Variants in SLIT1 observed in about 807,000 individuals in gnomAD.
SLIT1 encodes slit guidance ligand 1.
In SLIT1, 66 loss-of-function variants were observed where a neutral mutation model predicts 186.1. That is an observed-to-expected ratio of 0.35 (90% CI 0.29 to 0.44). The LOEUF (loss-of-function observed/expected upper bound fraction) is 0.44. SLIT1 is among the 20% of genes least tolerant of loss of function. The probability of loss-of-function intolerance (pLI) is 1.00; values close to 1 mark genes in which losing one functional copy is unlikely to be tolerated. For synonymous variants in SLIT1, 761 were observed against 833.8 expected (o/e 0.91, Z 1.50); for missense variants, 1,638 against 2,037.4 (o/e 0.80, Z 3.77).
chr10:97,057,251 G>T lies in SLIT1; in HGVS notation c.1116C>A (p.Leu372=). 1 of 1,614,028 alleles carries T rather than the reference G, an allele frequency of 6.2e-7. No homozygotes were observed. The highest frequency in any genetic ancestry group is 8.5e-7 in the Non-Finnish European group (1 of 1,179,968). ...LVLYGNKITD[L]PRGVFGGLYT... is the part of the protein sequence containing the mutation. The stretch of plus-strand genomic sequence containing the variant: ...ATAGGCCTCCAAACACACCACGGGG[G>T]AGGTCTGTGATCTTGTTTCCATAGA... The change falls in exon 12 of 37, where the codon CTC becomes CTA. Residue 372 remains leucine, a synonymous_variant. Coordinates refer to ENST00000266058, the MANE Select transcript of SLIT1 (RefSeq NM_003061.3).
At chr10:97,139,108 A>G (rs1231159128) in intron 4 of SLIT1, among the ~76,000 whole-genome samples, 1 of 152,176 alleles carries the variant, frequency 6.6e-6, no homozygotes, top group Non-Finnish European at 1.5e-5. Flanking sequence ...AGCAGAGCCC[A>G]GGGTCCCCAC....
chr10:97,046,695 G>T lies in SLIT1; in HGVS notation c.1812C>A (p.Ile604=). The T allele has an allele frequency of 6.2e-7, 1 of 1,611,552 alleles. No individual in the cohort carries two copies. Residue 604 remains isoleucine, a synonymous_variant, in exon 18 of 37, where the codon ATC becomes ATA. Coordinates refer to ENST00000266058, the MANE Select transcript of SLIT1 (RefSeq NM_003061.3). ...LHLTANQLES[I]RSGMFRGLDG... ...CCAGACCCCGGAACATGCCGCTCCGGATGGACTCCAGCTGGTTGGCAGTTA... is the reference window on the plus strand; with the variant it reads ...CCAGACCCCGGAACATGCCGCTCCGTATGGACTCCAGCTGGTTGGCAGTTA...
intron 4 of SLIT1, among the ~76,000 whole-genome samples, chr10:97,109,948 C>T (rs1247632416): frequency 6.6e-6 from 1 of 152,212 alleles, no homozygotes; most frequent in Non-Finnish European, 1.5e-5. Flanking sequence ...TCAGTTTACT[C>T]ATATACCACA....
At position 97,163,591 on chromosome 10, in the gene SLIT1, TCA is replaced by T. The variant is rs1850061807; in HGVS notation, c.270-142_270-141del. The T allele has an allele frequency of 1.5e-5, 11 of 743,504 alleles. No homozygotes were observed. In the South Asian group the frequency reaches 1.7e-4, roughly 12 times the overall value. 46.1% of individuals were successfully genotyped at this position (743,504 alleles called of 1,614,324 possible). On this transcript the variant is annotated intron_variant, in intron 2 of 36. Coordinates refer to ENST00000266058, the MANE Select transcript of SLIT1 (RefSeq NM_003061.3). ...GTAAGACAGGAGCCATGCCCAAGCC[TCA>T]CACAGGCCTATGCCTGGCCTGAGCG... is the stretch of plus-strand genomic sequence containing the variant.
intron 1 of SLIT1, among the ~76,000 whole-genome samples, chr10:97,178,711 C>T (rs11595301): frequency 0.024 from 3,615 of 151,930 alleles, 65 homozygotes; most frequent in Non-Finnish European, 0.031. Flanking sequence ...AAAGTTTCAA[C>T]GTCTCCAAGC....
At position 97,002,798 on chromosome 10, in the gene SLIT1, G is replaced by A. The variant is rs1564651053; in HGVS notation, c.4060C>T (p.Pro1354Ser). 6.2e-7 allele frequency: 1 copy of A among 1,613,950 alleles called. No homozygotes were observed. The highest frequency in any genetic ancestry group is 2.2e-5 in the East Asian group (1 of 44,862). ...CACATGGGCCCTGGGGTGGCATTGG[G>A]CTGGCAGATGCCATGCAGGCAGTAG... ...KLYCLHGICQ[P>S]NATPGPMCHC... The change falls in exon 35 of 37, where the codon CCC (proline) becomes TCC (serine). Residue 1354 changes from proline (P) to serine (S), a missense_variant. Pro to Ser is a moderately conservative substitution (Grantham distance 74). This residue lies in a region of SLIT1 where 173 missense variants were observed against 290.9 expected (regional missense o/e 0.59). Transcript: ENST00000266058.
At chr10:97,041,762 C>G (rs187656509) in intron 20 of SLIT1, among the ~76,000 whole-genome samples, 8 of 152,140 alleles carry the variant, frequency 5.3e-5, no homozygotes, top group Admixed American at 3.9e-4. Flanking sequence ...TGAGCCTCCG[C>G]GCCTGGCCTG....
intron 8 of SLIT1, among the ~76,000 whole-genome samples, chr10:97,061,527 C>G (rs1589378935): frequency 1.3e-5 from 2 of 152,236 alleles, no homozygotes; most frequent in South Asian, 4.1e-4. Flanking sequence ...TGCTCGTTTA[C>G]GAACTTCACA....
intron 23 of SLIT1, among the ~76,000 whole-genome samples, chr10:97,033,436 A>G (rs1213052894): frequency 6.6e-6 from 1 of 152,166 alleles, no homozygotes; most frequent in African/African-American, 2.4e-5. Flanking sequence ...GCATTTAAAT[A>G]TCTTAGAATA....
rs1848748268 is a variant in SLIT1 at position 97,047,841 on chromosome 10, T to C, written c.1490-7A>G. Reference sequence around the variant, plus strand: ...AGCTGGTAATCCTCCGTGCCTGCCATGAGAGGGTGGGGGCAGAGGCTGAGG... The same window carrying C: ...AGCTGGTAATCCTCCGTGCCTGCCACGAGAGGGTGGGGGCAGAGGCTGAGG... On this transcript the variant is annotated splice_polypyrimidine_tract_variant and splice_region_variant and intron_variant, in intron 15 of 36. Coordinates refer to ENST00000266058, the MANE Select transcript of SLIT1 (RefSeq NM_003061.3). 3.7e-6 allele frequency: 6 copies of C among 1,613,724 alleles called. No individual in the cohort carries two copies. The highest frequency in any genetic ancestry group is 5.1e-6 in the Non-Finnish European group (6 of 1,179,744).
At chr10:97,115,036 T>G (rs1006606275) in intron 4 of SLIT1, among the ~76,000 whole-genome samples, 1 of 152,226 alleles carries the variant, frequency 6.6e-6, no homozygotes, top group Non-Finnish European at 1.5e-5. Flanking sequence ...CAGTGCCTGG[T>G]GTCAGAGTAG....
chr10:97,118,875 T>C (rs994319769), intron 4 of SLIT1, among the ~76,000 whole-genome samples: 4 of 152,204 alleles, frequency 2.6e-5, no homozygotes, highest in African/African-American at 9.7e-5. Flanking sequence ...GACTGGGATA[T>C]AGTAAGTGCC....
At chr10:97,031,547 G>A in intron 24 of SLIT1, 59 bp downstream of exon 24, 1 of 1,359,344 alleles carries the variant, frequency 7.4e-7, no homozygotes, top group South Asian at 1.3e-5. Flanking sequence ...CCACCAGGTG[G>A]GTGGCAGGAC....
intron 1 of SLIT1, among the ~76,000 whole-genome samples, chr10:97,168,985 T>C (rs1043642395): frequency 5.3e-5 from 8 of 152,112 alleles, no homozygotes; most frequent in Admixed American, 3.3e-4. Flanking sequence ...ACACCCCACA[T>C]TAGCACACCT....
intron 25 of SLIT1, among the ~76,000 whole-genome samples, chr10:97,030,339 G>A (rs577807834): frequency 2.0e-5 from 3 of 152,300 alleles, no homozygotes; most frequent in South Asian, 2.1e-4. Flanking sequence ...CTAGTGGAGC[G>A]CTTAAGAGCA....
chr10:97,015,927 GT>G (rs1848451195), intron 28 of SLIT1, among the ~76,000 whole-genome samples: 1 of 152,160 alleles, frequency 6.6e-6, no homozygotes, highest in African/African-American at 2.4e-5. Context: ...AGGGTAAGGA[GT>G]AAAATGGAAA....
intron 11 of SLIT1, chr10:97,057,827 A>T (rs1407922686): frequency 1.8e-5 from 10 of 562,668 alleles, no homozygotes; most frequent in Non-Finnish European, 3.2e-6. Flanking sequence ...TTAAAAAAAC[A>T]AAAGTTCAAA....
intron 4 of SLIT1, among the ~76,000 whole-genome samples, chr10:97,142,550 A>G (rs917023823): frequency 6.6e-6 from 1 of 152,248 alleles, no homozygotes; most frequent in East Asian, 1.9e-4. Flanking sequence ...GCTTCATGAC[A>G]TTGGACTTGG....
chr10:97,079,025 G>A (rs1849076723), intron 4 of SLIT1, among the ~76,000 whole-genome samples: 1 of 152,198 alleles, frequency 6.6e-6, no homozygotes, highest in African/African-American at 2.4e-5. Flanking sequence ...TAGAGAAAAG[G>A]ACATGAGCTT....
Sources: allele counts gnomAD v4.1 joint callset (sites outside exome capture counted in the v4.1 genomes callset), GRCh38; gene constraint gnomAD v4.1.1; regional missense constraint gnomAD v4.1.1; transcripts MANE v1.5; gene names NCBI Gene and HGNC (gene_info 2026-07-23, HGNC 2026-07-21).